Variants in FANCM observed in about 807,000 individuals in gnomAD.
FANCM encodes Fanconi anemia group M protein.
A neutral mutation model predicts 199.5 loss-of-function variants in FANCM; 140 were observed. That is an observed-to-expected ratio of 0.70 (90% CI 0.61 to 0.81). The LOEUF is 0.81. Among genes scored for constraint, FANCM ranks in the 30% least tolerant of loss-of-function variants. The probability of loss-of-function intolerance (pLI) is 0.00; values close to 1 mark genes in which losing one functional copy is unlikely to be tolerated. For synonymous variants in FANCM, 840 were observed against 836.8 expected (o/e 1.00, Z -0.07); for missense variants, 2,410 against 2,421.4 (o/e 1.00, Z 0.10).
At position 45,173,178 on chromosome 14, in the gene FANCM, A is replaced by G. The variant is rs746984040; in HGVS notation, c.2284A>G (p.Met762Val). The G allele has an allele frequency of 6.8e-6, 11 of 1,613,812 alleles. No individual in the cohort carries two copies. The South Asian group carries it at 1.1e-4, about 16-fold the overall frequency. The change falls in exon 13 of 23, where the codon ATG becomes GTG. Residue 762 changes from methionine (M) to valine (V), a missense_variant. By Grantham distance (21) the Met-to-Val change is conservative (BLOSUM62 1). Transcript: ENST00000267430. ...TCGATGCCGCCATTTTATAGGCCTT[A>G]TGCAAATGATAGAGGGAATGAGACA... ...SDRCRHFIGL[M>V]QMIEGMRHEE...
chr14:45,191,873 T>C lies in FANCM; in HGVS notation c.5340+2511T>C, dbSNP rs113364683. Among the ~76,000 whole-genome samples the C allele has an allele frequency of 7.3e-3, 1,117 of 152,278 alleles. 25 individuals are homozygous for C. Among genetic ancestry groups the C allele is most frequent in the African/African-American group, 0.026 (1,062 of 41,566 alleles). ...TTTTTTGTTTTGTGTTTAGTGTTTCTTGCTATATGAAATATAACTTCTTTA... is the reference window on the plus strand; with the variant it reads ...TTTTTTGTTTTGTGTTTAGTGTTTCCTGCTATATGAAATATAACTTCTTTA... On this transcript the variant is annotated intron_variant, in intron 20 of 22. Coordinates refer to ENST00000267430, the MANE Select transcript of FANCM (RefSeq NM_020937.4).
rs1436183493 is a variant in FANCM, at chr14:45,148,901, C to T, written c.824C>T (p.Pro275Leu). The change falls in exon 4 of 23, where the codon CCA becomes CTA. Residue 275 changes from proline to leucine, a missense_variant. Pro to Leu is a moderately conservative substitution (Grantham distance 98). Transcript: ENST00000267430. ...ATAGAGCTTCGTTCTGAAGATTCTC[C>T]AGATATTTTGACATATTCTCATGAA... ...GQIELRSEDS[P>L]DILTYSHERK... 6.2e-7 allele frequency: 1 copy of T among 1,612,428 alleles called. No individual in the cohort carries two copies. The highest frequency in any genetic ancestry group is 8.5e-7 in the Non-Finnish European group (1 of 1,178,722).
chr14:45,196,231 A>G lies in FANCM; in HGVS notation c.5400A>G (p.Pro1800=), dbSNP rs1220530493. ...GGGCATCCTGTTCCAAGTCAAGACC[A>G]CATTTAGCTGGGACACATACTTCTC... ...TSGASCSKSR[P]HLAGTHTSLR... Residue 1800 remains proline, a synonymous_variant, in exon 21 of 23, where the codon CCA becomes CCG. Coordinates refer to ENST00000267430, the MANE Select transcript of FANCM (RefSeq NM_020937.4). 14 of 1,613,938 alleles carry G rather than the reference A, an allele frequency of 8.7e-6. No individual in the cohort carries two copies. Among genetic ancestry groups the G allele is most frequent in the Non-Finnish European group, 1.1e-5 (13 of 1,179,930 alleles).
In FANCM at chr14:45,185,264, A is replaced by C. The variant is rs113986680; in HGVS notation, c.4563A>C (p.Glu1521Asp). 6.9e-4 allele frequency: 1,107 copies of C among 1,604,676 alleles called. 10 individuals are homozygous for C. The African/African-American group carries it at 0.013, about 19-fold the overall frequency. Residue 1521 changes from glutamate to aspartate, a missense_variant, in exon 18 of 23, where the codon GAA becomes GAC. Coordinates refer to ENST00000267430, the MANE Select transcript of FANCM (RefSeq NM_020937.4). ...FLDDEAELSE[E>D]DAEYVSSDEN... is the part of the protein sequence containing the mutation. ...ATGATGAAGCAGAACTTTCTGAAGA[A>C]GATGCAGAATATGTTTCATCAGATG...
At chr14:45,144,987 C>T (rs1040047836) in intron 3 of FANCM, among the ~76,000 whole-genome samples, 8 of 152,078 alleles carry the variant, frequency 5.3e-5, no homozygotes, top group Non-Finnish European at 2.9e-5. Context: ...AGGCCCATGA[C>T]ATATTACCTG....
chr14:45,185,892 ATTATTTTTTAGTT>A (rs1889369523), intron 18 of FANCM, among the ~76,000 whole-genome samples: 1 of 152,030 alleles, frequency 6.6e-6, no homozygotes, highest in African/African-American at 2.4e-5. Flanking sequence ...ATTTTATTGT[ATTATTTTTTAGTT>A]TTATTTTTTT....
chr14:45,143,825 C>G (rs901710278), intron 3 of FANCM, among the ~76,000 whole-genome samples: 5 of 151,510 alleles, frequency 3.3e-5, no homozygotes, highest in East Asian at 1.9e-4. Context: ...TCCTAAGCAG[C>G]TGGGATTACA....
rs1888720092 is a variant in FANCM at position 45,176,612 on chromosome 14, T to G, written c.3858T>G (p.Ser1286Arg). The G allele has an allele frequency of 6.2e-7, 1 of 1,610,074 alleles. No individual in the cohort carries two copies. Among genetic ancestry groups the G allele is most frequent in the African/African-American group, 1.3e-5 (1 of 74,718 alleles). Residue 1286 changes from serine (S) to arginine (R), a missense_variant, in exon 14 of 23, where the codon AGT becomes AGG. Coordinates refer to ENST00000267430, the MANE Select transcript of FANCM (RefSeq NM_020937.4). ...SNQALIPRDH[S>R]KNFTSGTVII... ...AAGCACTAATACCAAGAGATCATAGTAAAAATTTTACTAGTGGAACTGTTA... is the reference window on the plus strand; with the variant it reads ...AAGCACTAATACCAAGAGATCATAGGAAAAATTTTACTAGTGGAACTGTTA...
chr14:45,150,926 G>T (rs114246290), intron 4 of FANCM, among the ~76,000 whole-genome samples: 1 of 152,016 alleles, frequency 6.6e-6, no homozygotes, highest in African/African-American at 2.4e-5. Context: ...ATAAATATTT[G>T]TTGAAAAAAA....
At chr14:45,193,176 A>G (rs931378848) in intron 20 of FANCM, among the ~76,000 whole-genome samples, 6 of 152,196 alleles carry the variant, frequency 3.9e-5, no homozygotes, top group African/African-American at 1.2e-4. Flanking sequence ...TGAAGACCAC[A>G]GATCAGGAAG....
At chr14:45,166,381 C>T (rs1887978946) in intron 10 of FANCM, among the ~76,000 whole-genome samples, 1 of 152,044 alleles carries the variant, frequency 6.6e-6, no homozygotes, top group Non-Finnish European at 1.5e-5. Context: ...TCGTGATCTG[C>T]CCGCCTGGGC....
rs371571347 is a variant in FANCM at position 45,189,353 on chromosome 14, T to C, written c.5331T>C (p.Val1777=). 9 of 1,609,796 alleles carry C rather than the reference T, an allele frequency of 5.6e-6. No individual in the cohort carries two copies. The African/African-American group carries it at 1.1e-4, about 19-fold the overall frequency. The part of the protein sequence containing the change: ...DSQKDCRKFP[V]PQKDGSALED... ...AGAAAGACTGTAGAAAATTTCCAGT[T>C]CCACAGAAGGTATGGATCAAAGAAA... Residue 1777 remains valine (V), a synonymous_variant, in exon 20 of 23, where the codon GTT becomes GTC. Coordinates refer to ENST00000267430, the MANE Select transcript of FANCM (RefSeq NM_020937.4).
At position 45,137,148 on chromosome 14, in the gene FANCM, T is replaced by C; in HGVS notation, c.588T>C (p.Asn196=). The C allele has an allele frequency of 6.2e-7, 1 of 1,613,788 alleles. No individual in the cohort carries two copies. The highest frequency in any genetic ancestry group is 2.2e-5 in the East Asian group (1 of 44,856). The change falls in exon 2 of 23, where the codon AAT becomes AAC. Residue 196 remains asparagine, a synonymous_variant. Transcript: ENST00000267430. The part of the protein sequence containing the change: ...VLFLTPQVMV[N]DLSRGACPAA... ...TTCTTACACCTCAGGTCATGGTAAA[T>C]GACCTTTCTAGAGGAGCTTGTCCCG...
chr14:45,141,308 A>G lies in FANCM; in HGVS notation c.759+599A>G, dbSNP rs1397834685. Reference sequence around the variant, plus strand: ...GTCTCAAAAAAAAAAAAAAAAAAAAAGAAAGCAAAAAACAAAAAACATAAA... The same window carrying G: ...GTCTCAAAAAAAAAAAAAAAAAAAAGGAAAGCAAAAAACAAAAAACATAAA... On this transcript the variant is annotated intron_variant, in intron 3 of 22. Transcript: ENST00000267430. 6.7e-5 allele frequency among the ~76,000 whole-genome samples: 10 copies of G among 150,248 alleles called. No individual in the cohort carries two copies. The Middle Eastern group carries it at 0.014, about 210-fold the overall frequency.
At chr14:45,168,586 C>T (rs939769236) in intron 11 of FANCM, among the ~76,000 whole-genome samples, 4 of 150,488 alleles carry the variant, frequency 2.7e-5, no homozygotes, top group Non-Finnish European at 5.9e-5. Flanking sequence ...GTTTCTTCCC[C>T]TTTTCTCTGA....
At chr14:45,180,277 T>C (rs1433721081) in intron 14 of FANCM, among the ~76,000 whole-genome samples, 2 of 152,144 alleles carry the variant, frequency 1.3e-5, no homozygotes, top group Non-Finnish European at 2.9e-5. Context: ...CATGAGGTAA[T>C]AGTCAAGACA....
At chr14:45,166,499 G>C (rs1887985936) in intron 10 of FANCM, among the ~76,000 whole-genome samples, 1 of 152,092 alleles carries the variant, frequency 6.6e-6, no homozygotes, top group African/African-American at 2.4e-5. Flanking sequence ...ATTCAAGACA[G>C]CTGGGCTCAG....
rs201951080 is a variant in FANCM at position 45,164,379 on chromosome 14, C to T, written c.1602C>T (p.Asp534=). The change falls in exon 10 of 23, where the codon GAC becomes GAT. Residue 534 remains aspartate (D), a synonymous_variant. Coordinates refer to ENST00000267430, the MANE Select transcript of FANCM (RefSeq NM_020937.4). ...TTTAGGTAGTGAAACAGTTTCGTGA[C>T]GGTGGTTACAACACGCTGGTTTCTA... The part of the protein sequence containing the change: ...EQLEVVKQFR[D]GGYNTLVSTC... 22 of 1,612,542 alleles carry T rather than the reference C, an allele frequency of 1.4e-5. No individual in the cohort carries two copies. Among genetic ancestry groups the T allele is most frequent in the African/African-American group, 1.1e-4 (8 of 74,976 alleles).
At chr14:45,188,663 A>G in intron 19 of FANCM, 139 bp from the exon 20 acceptor site, 1 of 666,382 alleles carries the variant, frequency 1.5e-6, no homozygotes. Context: ...TACTTAGTTT[A>G]TGTTAGTTGA....
Sources: gnomAD v4.1 joint callset for allele counts (sites outside exome capture counted in the v4.1 genomes callset) on GRCh38, gnomAD v4.1.1 for gene constraint, MANE v1.5 for transcripts, NCBI Gene and HGNC (gene_info 2026-07-23, HGNC 2026-07-21) for gene names.